NCF2: variants seen among roughly 807,000 people sequenced by gnomAD.
NCF2 encodes the protein neutrophil cytosolic factor 2.
NCF2 carries 45 observed loss-of-function variants against 70.9 expected under a neutral mutation model. The ratio of observed to expected loss-of-function variants is 0.63; its 90% CI spans 0.50 to 0.81. NCF2 has a LOEUF of 0.81. NCF2 is among the 40% of genes least tolerant of loss of function. The pLI, the probability that NCF2 is intolerant of heterozygous loss-of-function variation, is 0.00. For missense variants in NCF2, 522 were observed against 631.6 expected (o/e 0.83, Z 1.86); for synonymous variants, 203 against 233.6 (o/e 0.87, Z 1.19).
At chr1:183,578,917 T>A (rs1367112228) in intron 2 of NCF2, among the ~76,000 whole-genome samples, 1 of 151,832 alleles carries the variant, frequency 6.6e-6, no homozygotes, top group Non-Finnish European at 1.5e-5. Flanking sequence ...CTATAGGGGG[T>A]GGGAGCAGCA....
intron 6 of NCF2, 147 bp from the exon 7 acceptor site, chr1:183,569,332 AAG>A (rs1672445126): frequency 2.6e-6 from 2 of 778,042 alleles, no homozygotes. Context: ...ACTGTCTAGG[AAG>A]AGGGCACAGT....
Position 183,570,983 on chromosome 1 carries a change from C to T in NCF2, c.610-144G>A, listed in dbSNP as rs928312249. The stretch of plus-strand genomic sequence containing the variant: ...AGTAACTAAGGATTAGATTCCTGAG[C>T]CTCTGGATTAGGATTTCAGCAACTG... On this transcript the variant is annotated intron_variant, in intron 5 of 14. Transcript: ENST00000367535. The T allele has an allele frequency of 1.3e-5, 10 of 779,312 alleles. No individual in the cohort carries two copies. In the African/African-American group the frequency reaches 1.7e-4, roughly 13 times the overall value. The allele number at this position is 779,312 out of a possible 1,614,324, so 48.3% of individuals were successfully genotyped here.
intron 3 of NCF2, among the ~76,000 whole-genome samples, chr1:183,575,245 G>A (rs1441456748): frequency 6.6e-6 from 1 of 152,244 alleles, no homozygotes; most frequent in Non-Finnish European, 1.5e-5. Context: ...CAAGGCGGGT[G>A]AATCACTTGA....
upstream of NCF2, chr1:183,590,697 C>G (rs987916488): frequency 6.3e-6 from 2 of 316,064 alleles, no homozygotes; most frequent in African/African-American, 4.3e-5. Flanking sequence ...TCTCTCCCAC[C>G]CCTGTTCTGT....
intron 3 of NCF2, 68 bp downstream of exon 3, chr1:183,577,531 A>G (rs1238587802): frequency 3.2e-6 from 4 of 1,267,358 alleles, no homozygotes; most frequent in Non-Finnish European, 4.6e-6. Flanking sequence ...ATCACTGTGC[A>G]TCTGAACTGT....
At chr1:183,565,480 A>G (rs1672259887) in intron 10 of NCF2, among the ~76,000 whole-genome samples, 1 of 152,150 alleles carries the variant, frequency 6.6e-6, no homozygotes, top group South Asian at 2.1e-4. Context: ...CATTCACCCA[A>G]GCCCCGTGAG....
rs1672854639 is a variant in NCF2, at chr1:183,577,618, A to G, written c.347T>C (p.Phe116Ser). The G allele has an allele frequency of 6.2e-7, 1 of 1,613,346 alleles. No homozygotes were observed. Among genetic ancestry groups the G allele is most frequent in the Admixed American group, 1.7e-5 (1 of 59,980 alleles). Residue 116 changes from phenylalanine to serine, a missense_variant, in exon 3 of 15, where the codon TTC becomes TCC. Coordinates refer to ENST00000367535, the MANE Select transcript of NCF2 (RefSeq NM_000433.4). ...LIDYKILGLQ[F>S]KLFACEVLYN... ...CCTTACCTCACAGGCAAACAGCTTGAACTGGAGCCCCAGGATCTTATAGTC... is the reference window on the plus strand; with the variant it reads ...CCTTACCTCACAGGCAAACAGCTTGGACTGGAGCCCCAGGATCTTATAGTC...
At position 183,566,967 on chromosome 1, in the gene NCF2, A is replaced by C. The variant is rs1451496762; in HGVS notation, c.877T>G (p.Tyr293Asp). Residue 293 changes from tyrosine to aspartate, a missense_variant, in exon 9 of 15, where the codon TAC becomes GAC. By Grantham distance (160) the Tyr-to-Asp change is radical. Coordinates refer to ENST00000367535, the MANE Select transcript of NCF2 (RefSeq NM_000433.4). ...ATCCGCAGCTCAACTGGTTCAAGGT[A>C]GTTGCAGGGAACAAGCCCCTTCTGC... ...NGQKGLVPCNYLEPVELRIHP... is the reference protein window; with the variant it reads ...NGQKGLVPCNDLEPVELRIHP... 1 of 1,614,200 alleles carries C rather than the reference A, an allele frequency of 6.2e-7. No individual in the cohort carries two copies. The highest frequency in any genetic ancestry group is 2.2e-5 in the East Asian group (1 of 44,894).
In NCF2 at chr1:183,571,884, CATA is replaced by C. The variant is rs1364618577; in HGVS notation, c.610-1048_610-1046del. Among the ~76,000 whole-genome samples, 4 of 152,300 alleles carry C rather than the reference CATA, an allele frequency of 2.6e-5. No individual in the cohort carries two copies. In the East Asian group the frequency reaches 7.7e-4, roughly 29 times the overall value. ...TTCGTATCTGGCTTCCTTCACATAG[CATA>C]ATGTTTTCAAGGTCCATCCATGTTG... On this transcript the variant is annotated intron_variant, in intron 5 of 14. Coordinates refer to ENST00000367535, the MANE Select transcript of NCF2 (RefSeq NM_000433.4).
At chr1:183,564,875 C>T (rs902854056) in intron 10 of NCF2, among the ~76,000 whole-genome samples, 3 of 152,162 alleles carry the variant, frequency 2.0e-5, no homozygotes, top group African/African-American at 7.2e-5. Flanking sequence ...CAGGAGACTG[C>T]GTTTTTGCAG....
At chr1:183,574,938 T>C (rs1672731202) in intron 3 of NCF2, among the ~76,000 whole-genome samples, 1 of 152,110 alleles carries the variant, frequency 6.6e-6, no homozygotes. Flanking sequence ...GAAGAAGAAT[T>C]GTTGTGTTGT....
chr1:183,561,777 C>CTT (rs1672065058), intron 13 of NCF2, among the ~76,000 whole-genome samples: 2 of 110,486 alleles, frequency 1.8e-5, no homozygotes, highest in Admixed American at 1.0e-4. Flanking sequence ...CATACCAGGC[C>CTT]TCTTTTTTTT....
At chr1:183,583,878 A>AT (rs997194142) in intron 2 of NCF2, among the ~76,000 whole-genome samples, 11 of 151,840 alleles carry the variant, frequency 7.2e-5, no homozygotes, top group East Asian at 5.8e-4. Flanking sequence ...CTTTTTTTAA[A>AT]TTTTTTTTTA....
intron 2 of NCF2, among the ~76,000 whole-genome samples, chr1:183,584,951 G>A (rs1462351422): frequency 1.3e-5 from 2 of 152,056 alleles, no homozygotes; most frequent in African/African-American, 4.8e-5. Flanking sequence ...TAAATATGGG[G>A]GGAAGAGAGA....
chr1:183,556,142 C>A lies in NCF2; in HGVS notation c.1557G>T (p.Leu519Phe). The change falls in exon 15 of 15, where the codon TTG becomes TTT. Residue 519 changes from leucine (L) to phenylalanine (F), a missense_variant. Physicochemically the swap from Leu to Phe is conservative, Grantham distance 22. Transcript: ENST00000367535. ...CCTAGACTTCTCTCCGAGTGCTTTCCAAATCTGTAGTTGCGCAGTCTTCAA... is the reference window on the plus strand; with the variant it reads ...CCTAGACTTCTCTCCGAGTGCTTTCAAAATCTGTAGTTGCGCAGTCTTCAA... ...VFVEDCATTD[L>F]ESTRREV The A allele has an allele frequency of 6.2e-7, 1 of 1,614,140 alleles. No homozygotes were observed. Among genetic ancestry groups the A allele is most frequent in the Non-Finnish European group, 8.5e-7 (1 of 1,180,002 alleles).
chr1:183,578,316 G>GA (rs922584027), intron 2 of NCF2, among the ~76,000 whole-genome samples: 17 of 147,880 alleles, frequency 1.1e-4, no homozygotes, highest in African/African-American at 2.5e-4. Context: ...CTTTGGAAAA[G>GA]AAAAAAAAAC....
Position 183,569,174 on chromosome 1 carries a change from A to T in NCF2, c.681T>A (p.Pro227=), listed in dbSNP as rs1364472100. Reference sequence around the variant, plus strand: ...TCTCTGGGGTTTTCGGTCTGGGTGGAGGCTCAGCTGCCTATTGAACATTCA... The same window carrying T: ...TCTCTGGGGTTTTCGGTCTGGGTGGTGGCTCAGCTGCCTATTGAACATTCA... ...FAPLQPQAAE[P]PPRPKTPEIF... The change falls in exon 7 of 15, where the codon CCT becomes CCA. Residue 227 remains proline, a synonymous_variant. Transcript: ENST00000367535. 6.2e-7 allele frequency: 1 copy of T among 1,614,140 alleles called. No homozygotes were observed. Among genetic ancestry groups the T allele is most frequent in the Non-Finnish European group, 8.5e-7 (1 of 1,180,006 alleles).
intron 10 of NCF2, 61 bp downstream of exon 10, chr1:183,565,643 C>A: frequency 6.5e-7 from 1 of 1,534,186 alleles, no homozygotes; most frequent in Non-Finnish European, 9.0e-7. Flanking sequence ...GAGAGGAACT[C>A]AGGAAGCAGC....
the NCF2 span, among the ~76,000 whole-genome samples, chr1:183,599,462 C>CTTTCT: frequency 5.1e-5 from 7 of 137,522 alleles, no homozygotes; most frequent in African/African-American, 2.0e-4. Flanking sequence ...TTCTTTCTTT[C>CTTTCT]TTTCTTTCTT....
Sources: gnomAD v4.1 joint callset for allele counts (sites outside exome capture counted in the v4.1 genomes callset) on GRCh38, gnomAD v4.1.1 for gene constraint, MANE v1.5 for transcripts, NCBI Gene and HGNC (gene_info 2026-07-23, HGNC 2026-07-21) for gene names.